ACAD9: variants seen among roughly 807,000 people sequenced by gnomAD.
ACAD9 encodes complex I assembly factor ACAD9, mitochondrial.
ACAD9 carries 53 observed loss-of-function variants against 70.2 expected under a neutral mutation model. The observed-to-expected ratio is 0.75, with a 90% CI of 0.61 to 0.95. The LOEUF (loss-of-function observed/expected upper bound fraction) is 0.95, where lower values mean the gene tolerates loss of function less well. Ranked by LOEUF, ACAD9 falls within the 40% of genes least tolerant of loss-of-function variation. The probability of loss-of-function intolerance (pLI) is 0.00; values close to 1 mark genes in which losing one functional copy is unlikely to be tolerated. For synonymous variants in ACAD9, 313 were observed against 312.1 expected (o/e 1.00, Z -0.03); for missense variants, 777 against 802.8 (o/e 0.97, Z 0.39).
rs1935028766 is a variant in ACAD9 at position 128,879,707 on chromosome 3, C to T, written c.16C>T (p.Leu6Phe). The change falls in exon 1 of 18, where the codon CTC (leucine) becomes TTC (phenylalanine). Residue 6 changes from leucine (L) to phenylalanine (F), a missense_variant. Physicochemically the swap from Leu to Phe is conservative, Grantham distance 22 (BLOSUM62 0). Transcript: ENST00000308982. ...ATCGGGCAGCATGAGCGGCTGCGGG[C>T]TCTTCCTGCGCACCACGGCTGCGGC... The part of the protein sequence containing the change: MSGCG[L>F]FLRTTAAARA... 3.1e-6 allele frequency: 5 copies of T among 1,612,632 alleles called. No homozygotes were observed. The highest frequency in any genetic ancestry group is 3.4e-6 in the Non-Finnish European group (4 of 1,179,888).
chr3:128,895,607 C>T (rs1168289515), intron 4 of ACAD9, among the ~76,000 whole-genome samples, 191 bp downstream of exon 4: 3 of 152,208 alleles, frequency 2.0e-5, no homozygotes, highest in Non-Finnish European at 4.4e-5. Context: ...TGCGCAGTGG[C>T]CTTTGGGTCG....
Position 128,879,853 on chromosome 3 carries a change from C to T in ACAD9, c.150+12C>T. ...GCAAAATCAAGAAGGTAACGCGAGC[C>T]CTGGGCGAACCCTTGCTGTCTGGCT... On this transcript the variant is annotated intron_variant, in intron 1 of 17. Transcript: ENST00000308982. 6.2e-7 allele frequency: 1 copy of T among 1,613,938 alleles called. No individual in the cohort carries two copies. Among genetic ancestry groups the T allele is most frequent in the Non-Finnish European group, 8.5e-7 (1 of 1,180,008 alleles).
chr3:128,908,744 G>A, intron 13 of ACAD9: 8 of 621,832 alleles, frequency 1.3e-5, no homozygotes, highest in Non-Finnish European at 2.0e-5. Context: ...CTGCTGGGAA[G>A]CTGGCTGTGA....
At chr3:128,903,565 C>T (rs1048903005) in intron 9 of ACAD9, among the ~76,000 whole-genome samples, 7 of 152,148 alleles carry the variant, frequency 4.6e-5, no homozygotes, top group Admixed American at 1.3e-4. Context: ...ACTCTTGGGC[C>T]CTTAGAGCTC....
intron 2 of ACAD9, among the ~76,000 whole-genome samples, chr3:128,887,649 ATAT>A (rs374223063): frequency 0.3 from 42,842 of 142,426 alleles, 6,832 homozygotes; most frequent in East Asian, 0.55. Context: ...AAATAAATAT[ATAT>A]ATATATATAT....
rs371908825 is a variant in ACAD9 at position 128,910,111 on chromosome 3, C to T, written c.1654C>T (p.Arg552Cys). The change falls in exon 16 of 18, where the codon CGC becomes TGC. Residue 552 changes from arginine (R) to cysteine (C), a missense_variant. By Grantham distance (180) the Arg-to-Cys change is radical. Transcript: ENST00000308982. The stretch of plus-strand genomic sequence containing the variant: ...GACGGCCGTGCTGTCGCGGGCCAGC[C>T]GCTCCATCCGCATTGGGCTCCGCAA... ...GMTAVLSRAS[R>C]SIRIGLRNHD... is the part of the protein sequence containing the mutation. The T allele has an allele frequency of 1.2e-5, 20 of 1,613,866 alleles. No individual in the cohort carries two copies. The highest frequency in any genetic ancestry group is 6.7e-5 in the African/African-American group (5 of 74,938).
At position 128,913,114 on chromosome 3, in the gene ACAD9, A is replaced by G. The variant is rs558100711; in HGVS notation, c.*507A>G. On this transcript the variant is annotated 3_prime_UTR_variant, in exon 18 of 18. Coordinates refer to ENST00000308982, the MANE Select transcript of ACAD9 (RefSeq NM_014049.5). The stretch of plus-strand genomic sequence containing the variant: ...AAAATGTCACAATCTGTGTACTGTT[A>G]GCCTTTGCTGTACTTGTCACACTGT... 3 of 448,058 alleles carry G rather than the reference A, an allele frequency of 6.7e-6. No homozygotes were observed. In the Admixed American group the frequency reaches 7.1e-5, roughly 11 times the overall value. The allele number at this position is 448,058 out of a possible 1,614,324, so 27.8% of individuals were successfully genotyped here. A position where few individuals can be genotyped will look rare whatever the true frequency, so the allele number is the denominator to read the frequency against.
At chr3:128,888,223 C>G (rs1238798426) in intron 2 of ACAD9, among the ~76,000 whole-genome samples, 1 of 152,168 alleles carries the variant, frequency 6.6e-6, no homozygotes, top group African/African-American at 2.4e-5. Context: ...ACGTTAAATA[C>G]ACTACACTGC....
chr3:128,898,668 G>A (rs1156579330), intron 6 of ACAD9, among the ~76,000 whole-genome samples: 2 of 151,994 alleles, frequency 1.3e-5, no homozygotes, highest in Admixed American at 1.3e-4. Context: ...CCAAAGTGCT[G>A]GGATTACAGG....
chr3:128,889,531 T>C (rs1935355902), intron 2 of ACAD9, among the ~76,000 whole-genome samples: 1 of 152,242 alleles, frequency 6.6e-6, no homozygotes, highest in Non-Finnish European at 1.5e-5. Flanking sequence ...CTTGTGCCTC[T>C]TTTATTTCCC....
chr3:128,894,533 CTTTT>C (rs34217688), intron 3 of ACAD9, among the ~76,000 whole-genome samples: 1 of 133,244 alleles, frequency 7.5e-6, no homozygotes. Context: ...AGATTGCGAG[CTTTT>C]TTTTTTTTTT....
intron 1 of ACAD9, among the ~76,000 whole-genome samples, chr3:128,882,133 G>C (rs1202288263): frequency 1.3e-5 from 2 of 152,058 alleles, no homozygotes; most frequent in East Asian, 3.9e-4. Flanking sequence ...TCCCACTTCA[G>C]CATCCCCAGT....
chr3:128,883,745 T>A (rs1435955088), intron 1 of ACAD9, among the ~76,000 whole-genome samples: 3 of 152,122 alleles, frequency 2.0e-5, no homozygotes, highest in Non-Finnish European at 4.4e-5. Flanking sequence ...TCACTTTTAG[T>A]TAGGGACTCA....
At chr3:128,908,374 G>A (rs1935969408) in intron 13 of ACAD9, 110 bp downstream of exon 13, 7 of 1,327,346 alleles carry the variant, frequency 5.3e-6, no homozygotes, top group Non-Finnish European at 7.5e-6. Context: ...GGGGCATGGG[G>A]GTGTGGCGCA....
intron 2 of ACAD9, among the ~76,000 whole-genome samples, chr3:128,890,301 A>ACTGG (rs1366030004): frequency 4.6e-5 from 7 of 151,932 alleles, no homozygotes; most frequent in African/African-American, 1.7e-4. Flanking sequence ...GGCCAGGCCA[A>ACTGG]TCTCGAACTC....
chr3:128,909,798 C>T, intron 15 of ACAD9: 1 of 656,302 alleles, frequency 1.5e-6, no homozygotes, highest in Non-Finnish European at 2.6e-6. Flanking sequence ...CTTCTGGGAC[C>T]TGGTCTTGCC....
At position 128,910,105 on chromosome 3, in the gene ACAD9, G is replaced by T. The variant is rs756447287; in HGVS notation, c.1648G>T (p.Ala550Ser). The change falls in exon 16 of 18, where the codon GCC becomes TCC. Residue 550 changes from alanine (A) to serine (S), a missense_variant. By Grantham distance (99) the Ala-to-Ser change is moderately conservative. Coordinates refer to ENST00000308982, the MANE Select transcript of ACAD9 (RefSeq NM_014049.5). Reference protein sequence around the residue: ...LYGMTAVLSRASRSIRIGLRN... With the variant: ...LYGMTAVLSRSSRSIRIGLRN... ...TGGCATGACGGCCGTGCTGTCGCGG[G>T]CCAGCCGCTCCATCCGCATTGGGCT... The T allele has an allele frequency of 1.2e-6, 2 of 1,613,018 alleles. No individual in the cohort carries two copies. Among genetic ancestry groups the T allele is most frequent in the Non-Finnish European group, 1.7e-6 (2 of 1,179,910 alleles).
chr3:128,899,306 G>C lies in ACAD9; in HGVS notation c.653G>C (p.Gly218Ala). 1 of 1,614,216 alleles carries C rather than the reference G, an allele frequency of 6.2e-7. No individual in the cohort carries two copies. The highest frequency in any genetic ancestry group is 8.5e-7 in the Non-Finnish European group (1 of 1,180,042). The change falls in exon 7 of 18, where the codon GGA (glycine) becomes GCA (alanine). Residue 218 changes from glycine to alanine, a missense_variant. By Grantham distance (60) the Gly-to-Ala change is moderately conservative. Coordinates refer to ENST00000308982, the MANE Select transcript of ACAD9 (RefSeq NM_014049.5). ...NGSKVWITNG[G>A]LANIFTVFAK... is the part of the protein sequence containing the mutation. ...CCTCAGGTCTGGATTACTAATGGAG[G>C]ACTGGCCAATATTTTTACTGTGTTT...
rs966172856 is a variant in ACAD9 at position 128,912,405 on chromosome 3, T to C, written c.1766-102T>C. The C allele has an allele frequency of 3.0e-6, 3 of 1,003,128 alleles. No homozygotes were observed. The African/African-American group carries it at 4.7e-5, about 16-fold the overall frequency. 62.1% of individuals were successfully genotyped at this position (1,003,128 alleles called of 1,614,324 possible). ...GGGGTTCACCCTTAGGGCTGCTTCA[T>C]GGTGGGTGGGCTGACTTTGTGGAAA... On this transcript the variant is annotated intron_variant, in intron 17 of 17. Coordinates refer to ENST00000308982, the MANE Select transcript of ACAD9 (RefSeq NM_014049.5).
Sources: allele counts gnomAD v4.1 joint callset (sites outside exome capture counted in the v4.1 genomes callset), GRCh38; gene constraint gnomAD v4.1.1; transcripts MANE v1.5; gene names NCBI Gene and HGNC (gene_info 2026-07-23, HGNC 2026-07-21).